STON2: variants seen among roughly 807,000 people sequenced by gnomAD.
The protein encoded by STON2 is stonin 2.
Under a neutral mutation model 65.7 loss-of-function variants are expected in STON2, and 29 were observed. The observed-to-expected ratio is 0.44, with a 90% confidence interval of 0.33 to 0.60. The LOEUF (loss-of-function observed/expected upper bound fraction) is 0.60, where lower values mean the gene tolerates loss of function less well. Among genes scored for constraint, STON2 ranks in the 20% least tolerant of loss-of-function variants. STON2 has a pLI of 0.03. For synonymous variants in STON2, 404 were observed against 414.2 expected (o/e 0.98, Z 0.30); for missense variants, 1,054 against 1,118.1 (o/e 0.94, Z 0.82).
At chr14:81,325,329 T>G (rs774634354) in intron 4 of STON2, among the ~76,000 whole-genome samples, 68 of 152,328 alleles carry the variant, frequency 4.5e-4, no homozygotes, top group Middle Eastern at 3.4e-3. Flanking sequence ...TAATATACAT[T>G]GTGACTCTCC....
chr14:81,293,321 G>A (rs1045692844), intron 5 of STON2, among the ~76,000 whole-genome samples: 5 of 151,970 alleles, frequency 3.3e-5, no homozygotes, highest in Admixed American at 6.6e-5. Flanking sequence ...CTGCAGGAGC[G>A]TGCCACCACG....
intron 2 of STON2, among the ~76,000 whole-genome samples, chr14:81,423,672 C>A (rs1901824875): frequency 6.6e-6 from 1 of 152,196 alleles, no homozygotes; most frequent in African/African-American, 2.4e-5. Flanking sequence ...AAAACCAAAA[C>A]AGCCTGGCCA....
chr14:81,401,694 C>T (rs1367892540), upstream of STON2, among the ~76,000 whole-genome samples: 1 of 152,170 alleles, frequency 6.6e-6, no homozygotes, highest in African/African-American at 2.4e-5. Context: ...GATTGACCAA[C>T]AGATGCTAAA....
intron 2 of STON2, among the ~76,000 whole-genome samples, chr14:81,423,418 G>C (rs1157140183): frequency 6.6e-6 from 1 of 152,104 alleles, no homozygotes; most frequent in Non-Finnish European, 1.5e-5. Context: ...GGGATCTGTG[G>C]ACTCCCTGTT....
Position 81,263,567 on chromosome 14 carries a change from A to T in STON2, c.*4847T>A. 1 of 206,922 alleles carries T rather than the reference A, an allele frequency of 4.8e-6. No individual in the cohort carries two copies. Among genetic ancestry groups the T allele is most frequent in the Non-Finnish European group, 8.5e-6 (1 of 118,100 alleles). 12.8% of individuals were successfully genotyped at this position (206,922 alleles called of 1,614,324 possible). A position where few individuals can be genotyped will look rare whatever the true frequency, so the allele number is the denominator to read the frequency against. ...AAAAAAAAAAAAAAAAAAACAAAAA[A>T]GAAAATGCTATTTTTTGGCCATGTT... On this transcript the variant is annotated 3_prime_UTR_variant, in exon 8 of 8. Coordinates refer to ENST00000614646, the MANE Select transcript of STON2 (RefSeq NM_001394390.1).
rs1894405032 is a variant in STON2 at position 81,267,590 on chromosome 14, C to T, written c.*824G>A. On this transcript the variant is annotated 3_prime_UTR_variant, in exon 8 of 8. Transcript: ENST00000614646. ...TTTTCAGTGTGAATTTGGGAATTCA[C>T]TGAGATTGAATCTACCTCTTGAACT... 1 of 985,214 alleles carries T rather than the reference C, an allele frequency of 1.0e-6. No homozygotes were observed. Among genetic ancestry groups the T allele is most frequent in the African/African-American group, 1.7e-5 (1 of 57,218 alleles). The allele number at this position is 985,214 out of a possible 1,614,324, so 61.0% of individuals were successfully genotyped here.
Position 81,416,780 on chromosome 14 carries a change from G to A in STON2, c.-199+10322C>T, listed in dbSNP as rs183502748. ...CTTTGGACCATAGGAAAACCATATC[G>A]AAGGGAGTCCAGTTGTGACATAAGG... is the stretch of plus-strand genomic sequence containing the variant. On this transcript the variant is annotated intron_variant, in intron 2 of 8. Transcript: ENST00000553821. 1.5e-3 allele frequency among the ~76,000 whole-genome samples: 233 copies of A among 152,270 alleles called. 1 individual carries two copies. Among genetic ancestry groups the A allele is most frequent in the Admixed American group, 3.8e-3 (58 of 15,294 alleles).
At position 81,396,139 on chromosome 14, in the gene STON2, G is replaced by A. The variant is rs1900309505; in HGVS notation, c.128C>T (p.Pro43Leu). The A allele has an allele frequency of 5.6e-6, 9 of 1,613,946 alleles. No individual in the cohort carries two copies. Among genetic ancestry groups the A allele is most frequent in the Non-Finnish European group, 5.1e-6 (6 of 1,179,950 alleles). The change falls in exon 3 of 8, where the codon CCA becomes CTA. Residue 43 changes from proline to leucine, a missense_variant. Coordinates refer to ENST00000614646, the MANE Select transcript of STON2 (RefSeq NM_001394390.1). ...CCCGGAGGAGCTCTCGGACTGGTCT[G>A]GGGAAGATGACAGTCCTGGGAGGTG... is the stretch of plus-strand genomic sequence containing the variant. ...EEHLPGLSSS[P>L]DQSESSSGEN...
chr14:81,393,444 C>T (rs1900171691), intron 3 of STON2, among the ~76,000 whole-genome samples: 1 of 152,120 alleles, frequency 6.6e-6, no homozygotes, highest in Non-Finnish European at 1.5e-5. Flanking sequence ...GTGAGGCAAA[C>T]GGAAGGAGAG....
intron 1 of STON2, among the ~76,000 whole-genome samples, chr14:81,433,999 C>T (rs1484534315): frequency 6.6e-6 from 1 of 152,142 alleles, no homozygotes; most frequent in Non-Finnish European, 1.5e-5. Flanking sequence ...GAGACTTGCT[C>T]ATCATTCTAC....
chr14:81,365,067 C>G (rs140132185), intron 4 of STON2, among the ~76,000 whole-genome samples: 3 of 152,168 alleles, frequency 2.0e-5, no homozygotes, highest in African/African-American at 7.2e-5. Context: ...GCCCCAAGTT[C>G]TGGGTTGAAT....
intron 1 of STON2, among the ~76,000 whole-genome samples, chr14:81,427,850 C>T (rs1902058947): frequency 6.6e-6 from 1 of 152,124 alleles, no homozygotes; most frequent in Non-Finnish European, 1.5e-5. Flanking sequence ...ACAGATAGCC[C>T]CTGTTAACTC....
chr14:81,408,161 G>GCACA (rs1313540921), intron 2 of STON2, among the ~76,000 whole-genome samples: 5 of 117,302 alleles, frequency 4.3e-5, no homozygotes, highest in Non-Finnish European at 8.2e-5. Context: ...ACACACACGC[G>GCACA]CACACACACA....
chr14:81,360,650 A>G (rs1490798587), intron 4 of STON2, among the ~76,000 whole-genome samples: 1 of 152,182 alleles, frequency 6.6e-6, no homozygotes, highest in East Asian at 1.9e-4. Flanking sequence ...CTTCTATTCA[A>G]CATAGTATTG....
chr14:81,330,600 C>G (rs1174805058), intron 4 of STON2, among the ~76,000 whole-genome samples: 2 of 152,176 alleles, frequency 1.3e-5, no homozygotes, highest in Non-Finnish European at 2.9e-5. Context: ...CAAGGCACAG[C>G]TGAATCTTGC....
At chr14:81,294,807 T>C (rs1038947872) in intron 5 of STON2, among the ~76,000 whole-genome samples, 11 of 152,212 alleles carry the variant, frequency 7.2e-5, no homozygotes, top group African/African-American at 2.6e-4. Context: ...CATGGGAACA[T>C]GAAATAATCC....
At chr14:81,325,555 C>T (rs1896976253) in intron 4 of STON2, among the ~76,000 whole-genome samples, 1 of 152,094 alleles carries the variant, frequency 6.6e-6, no homozygotes, top group Non-Finnish European at 1.5e-5. Context: ...CTGTCCCATT[C>T]CCCAGAGGTA....
intron 4 of STON2, chr14:81,333,421 T>C (rs1897275541): frequency 6.1e-6 from 2 of 327,876 alleles, no homozygotes; most frequent in South Asian, 4.8e-5. Flanking sequence ...AATACGTTTT[T>C]TTCATTCAGT....
chr14:81,280,021 A>G (rs1895043320), intron 5 of STON2, among the ~76,000 whole-genome samples: 1 of 152,250 alleles, frequency 6.6e-6, no homozygotes, highest in African/African-American at 2.4e-5. Context: ...GAAGCCTACA[A>G]TAAAATAATA....
Sources: allele counts gnomAD v4.1 joint callset (sites outside exome capture counted in the v4.1 genomes callset), GRCh38; gene constraint gnomAD v4.1.1; transcripts MANE v1.5; gene names NCBI Gene and HGNC (gene_info 2026-07-23, HGNC 2026-07-21).